The following SORBS2 variants were observed in gnomAD, a reference collection of about 807,000 sequenced individuals.
SORBS2 encodes sorbin and SH3 domain containing 2.
A neutral mutation model predicts 97.7 loss-of-function variants in SORBS2; 46 were observed. The ratio of observed to expected loss-of-function variants is 0.47; its 90% CI spans 0.37 to 0.60. The LOEUF (loss-of-function observed/expected upper bound fraction) is 0.60. Among genes scored for constraint, SORBS2 ranks in the 20% least tolerant of loss-of-function variants. The probability of loss-of-function intolerance (pLI) is 0.00; values close to 1 mark genes in which losing one functional copy is unlikely to be tolerated. For missense variants in SORBS2, 1,316 were observed against 1,282.3 expected (o/e 1.03, Z -0.40); for synonymous variants, 476 against 473.4 (o/e 1.01, Z -0.07).
At chr4:185,779,966 C>G (rs922554149) in intron 1 of SORBS2, among the ~76,000 whole-genome samples, 2 of 150,132 alleles carry the variant, frequency 1.3e-5, no homozygotes, top group Non-Finnish European at 2.9e-5. Flanking sequence ...TGAAGTCACG[C>G]ACATTGTAAG....
At chr4:185,803,140 C>G (rs764189119) in intron 1 of SORBS2, among the ~76,000 whole-genome samples, 3 of 152,174 alleles carry the variant, frequency 2.0e-5, no homozygotes, top group Non-Finnish European at 4.4e-5. Flanking sequence ...CAGGCCTTTT[C>G]TGCACCATGC....
intron 4 of SORBS2, among the ~76,000 whole-genome samples, chr4:185,637,400 T>G (rs1327771073): frequency 6.6e-6 from 1 of 152,256 alleles, no homozygotes; most frequent in African/African-American, 2.4e-5. Flanking sequence ...CTGCGATGTT[T>G]GCACAATGGC....
intron 1 of SORBS2, among the ~76,000 whole-genome samples, chr4:185,954,308 C>T (rs1036768115): frequency 7.2e-5 from 11 of 152,184 alleles, no homozygotes; most frequent in African/African-American, 2.7e-4. Flanking sequence ...AATAATCTCA[C>T]ATACATTTAA....
intron 1 of SORBS2, among the ~76,000 whole-genome samples, chr4:185,864,359 C>G (rs2099225614): frequency 6.6e-6 from 1 of 152,086 alleles, no homozygotes; most frequent in Non-Finnish European, 1.5e-5. Flanking sequence ...ATTAAAGGAC[C>G]ACGTTTATTT....
intron 1 of SORBS2, among the ~76,000 whole-genome samples, chr4:185,928,749 T>C (rs990509301): frequency 6.6e-6 from 1 of 152,146 alleles, no homozygotes; most frequent in Non-Finnish European, 1.5e-5. Context: ...GGTTTCACCG[T>C]GTTAGCCAGG....
At chr4:185,747,017 G>T (rs1010603507) in intron 2 of SORBS2, among the ~76,000 whole-genome samples, 1 of 152,144 alleles carries the variant, frequency 6.6e-6, no homozygotes, top group Non-Finnish European at 1.5e-5. Flanking sequence ...AGAGTGCCGG[G>T]CGCAGTGGCT....
At chr4:185,593,610 A>G (rs568969622) in intron 13 of SORBS2, 21 of 409,148 alleles carry the variant, frequency 5.1e-5, no homozygotes, top group African/African-American at 3.9e-4. Flanking sequence ...GCAGAGAGGG[A>G]GACAGAGTTA....
chr4:185,626,200 G>A (rs191181193), intron 6 of SORBS2, among the ~76,000 whole-genome samples: 29 of 152,202 alleles, frequency 1.9e-4, no homozygotes, highest in African/African-American at 7.0e-4. Flanking sequence ...AAAAAGGCTT[G>A]GTGATTCCTC....
At chr4:185,713,486 G>A (rs2098441084) in intron 2 of SORBS2, among the ~76,000 whole-genome samples, 1 of 152,214 alleles carries the variant, frequency 6.6e-6, no homozygotes, top group Admixed American at 6.5e-5. Context: ...TGATTCAGAG[G>A]CAGGAAATTT....
At chr4:185,839,601 T>A (rs2153676974) in intron 1 of SORBS2, among the ~76,000 whole-genome samples, 1 of 152,312 alleles carries the variant, frequency 6.6e-6, no homozygotes, top group Non-Finnish European at 1.5e-5. Flanking sequence ...TACTCCAAGC[T>A]TTATGTGCTT....
intron 12 of SORBS2, among the ~76,000 whole-genome samples, chr4:185,611,199 T>G (rs774849078): frequency 3.3e-5 from 5 of 152,096 alleles, no homozygotes; most frequent in African/African-American, 4.8e-5. Flanking sequence ...ACTTATAGAC[T>G]CTAATTAAAA....
intron 12 of SORBS2, among the ~76,000 whole-genome samples, chr4:185,599,866 A>G (rs1293341905): frequency 6.6e-6 from 1 of 151,470 alleles, no homozygotes; most frequent in African/African-American, 2.4e-5. Context: ...TTCACAGCAA[A>G]GACAACTAAG....
At chr4:185,718,970 A>C (rs1186400638) in intron 2 of SORBS2, among the ~76,000 whole-genome samples, 2 of 152,198 alleles carry the variant, frequency 1.3e-5, no homozygotes, top group African/African-American at 4.8e-5. Context: ...GAAACAGGTA[A>C]ATGATTTATT....
chr4:185,926,934 T>C lies in SORBS2; in HGVS notation c.-338+29262A>G, dbSNP rs116286552. 6.9e-3 allele frequency among the ~76,000 whole-genome samples: 1,052 copies of C among 152,084 alleles called. 13 individuals are homozygous for C. Among genetic ancestry groups the C allele is most frequent in the African/African-American group, 0.024 (981 of 41,510 alleles). On this transcript the variant is annotated intron_variant, in intron 1 of 20. Coordinates refer to the SORBS2 transcript ENST00000284776. ...CAGCAGAAGAAACCTAGGATAGCTC[T>C]ATATAAGCCACAAGCCAAGGAAAAG... is the stretch of plus-strand genomic sequence containing the variant.
chr4:185,945,078 C>T (rs188961458), intron 1 of SORBS2, among the ~76,000 whole-genome samples: 18 of 152,298 alleles, frequency 1.2e-4, no homozygotes, highest in Middle Eastern at 3.4e-3. Context: ...TGCCAATGCC[C>T]GCCACGTTTT....
exon 7 of SORBS2, chr4:185,624,271 C>T (rs760083561): frequency 1.4e-5 from 22 of 1,614,034 alleles, no homozygotes; most frequent in Non-Finnish European, 1.7e-6. Flanking sequence ...CGTCACAGCT[C>T]CGGGATTTGA....
chr4:185,937,403 G>C (rs2099269464), intron 1 of SORBS2, among the ~76,000 whole-genome samples: 1 of 152,176 alleles, frequency 6.6e-6, no homozygotes, highest in Admixed American at 6.5e-5. Flanking sequence ...TGAAGTAGCT[G>C]CTTAGCCATG....
chr4:185,933,363 A>G (rs1260265219), intron 1 of SORBS2: 1 of 152,170 alleles, frequency 6.6e-6, no homozygotes, highest in African/African-American at 2.4e-5. Flanking sequence ...CTGTGGGTCT[A>G]TTCGTCTGCT....
chr4:185,623,021 G>A lies in SORBS2; in HGVS notation c.2108C>T (p.Pro703Leu), dbSNP rs757437766. The change falls in exon 7 of 15, where the codon CCA (proline) becomes CTA (leucine). Residue 703 changes from proline (P) to leucine (L), a missense_variant. Transcript: ENST00000418609. The surrounding 1 kb of genome is among the most constrained non-coding windows in gnomAD (Gnocchi z 6.4). ...TCTCCCGCAGTCATTCTGGTAGGGT[G>A]GACAATGAATAGCACCATCGGGAGG... 10 of 1,614,152 alleles carry A rather than the reference G, an allele frequency of 6.2e-6. No individual in the cohort carries two copies. The highest frequency in any genetic ancestry group is 1.6e-4 in the Middle Eastern group (1 of 6,062).
Sources: allele counts gnomAD v4.1 joint callset (sites outside exome capture counted in the v4.1 genomes callset), GRCh38; gene constraint gnomAD v4.1.1; non-coding constraint Gnocchi (gnomAD v3.1); transcripts MANE v1.5; gene names NCBI Gene and HGNC (gene_info 2026-07-23, HGNC 2026-07-21).